The following ASCC3 variants were observed in gnomAD, a reference collection of about 807,000 sequenced individuals.
ASCC3 encodes the protein activating signal cointegrator 1 complex subunit 3, also known as ASC-1 complex subunit P200.
Under a neutral mutation model 256.3 loss-of-function variants are expected in ASCC3, and 158 were observed. The ratio of observed to expected loss-of-function variants is 0.62; its 90% CI spans 0.54 to 0.70. The LOEUF (loss-of-function observed/expected upper bound fraction) is 0.70, where lower values mean the gene tolerates loss of function less well. Among genes scored for constraint, ASCC3 ranks in the 30% least tolerant of loss-of-function variants. The probability of loss-of-function intolerance (pLI) is 0.00; values close to 1 mark genes in which losing one functional copy is unlikely to be tolerated. For synonymous variants in ASCC3, 948 were observed against 883.4 expected (o/e 1.07, Z -1.30); for missense variants, 2,259 against 2,626.0 (o/e 0.86, Z 3.05).
chr6:100,828,039 T>G (rs891851222), intron 4 of ASCC3, among the ~76,000 whole-genome samples: 1 of 150,660 alleles, frequency 6.6e-6, no homozygotes, highest in Non-Finnish European at 1.5e-5. Flanking sequence ...GAAAAATGTT[T>G]TTGTCAAACA....
intron 36 of ASCC3, among the ~76,000 whole-genome samples, chr6:100,584,179 C>T (rs1237425312): frequency 6.6e-6 from 1 of 151,202 alleles, no homozygotes. Flanking sequence ...CTAATGTTGA[C>T]AGTGGGGTGT....
intron 36 of ASCC3, among the ~76,000 whole-genome samples, chr6:100,580,622 T>C (rs1021140252): frequency 1.1e-4 from 16 of 152,052 alleles, no homozygotes; most frequent in African/African-American, 3.9e-4. Context: ...AGGGTACATG[T>C]GCACAATGTG....
In ASCC3 at chr6:100,848,234, T is replaced by C; in HGVS notation, c.715A>G (p.Thr239Ala). The C allele has an allele frequency of 6.2e-7, 1 of 1,614,048 alleles. No homozygotes were observed. Among genetic ancestry groups the C allele is most frequent in the Non-Finnish European group, 8.5e-7 (1 of 1,179,986 alleles). Residue 239 changes from threonine (T) to alanine (A), a missense_variant, in exon 4 of 42, where the codon ACT (threonine) becomes GCT (alanine). Thr to Ala is a moderately conservative substitution (Grantham distance 58). Transcript: ENST00000369162. The part of the protein sequence containing the change: ...KYLNSTLKEM[T>A]EVPRVEDLCC... Reference sequence around the variant, plus strand: ...AGATCTTCTACTCTTGGCACTTCAGTCATTTCCTTCAAAGTTGAATTTAGG... The same window carrying C: ...AGATCTTCTACTCTTGGCACTTCAGCCATTTCCTTCAAAGTTGAATTTAGG...
At chr6:100,864,391 T>A (rs75429917) in intron 2 of ASCC3, among the ~76,000 whole-genome samples, 177 bp from the exon 3 acceptor site, 2 of 152,234 alleles carry the variant, frequency 1.3e-5, no homozygotes, top group South Asian at 4.1e-4. Flanking sequence ...AAATGGGTGT[T>A]CATAGATTCT....
At chr6:100,639,366 A>C (rs1398530541) in intron 24 of ASCC3, among the ~76,000 whole-genome samples, 3 of 152,128 alleles carry the variant, frequency 2.0e-5, no homozygotes, top group Non-Finnish European at 4.4e-5. Flanking sequence ...CCCTGAGAAA[A>C]CCTAGAAAGA....
At chr6:100,534,358 C>A (rs182755163) in intron 37 of ASCC3, among the ~76,000 whole-genome samples, 9 of 152,318 alleles carry the variant, frequency 5.9e-5, no homozygotes, top group Admixed American at 1.3e-4. Flanking sequence ...GTTTTGTCAC[C>A]AAATTTGAAC....
chr6:100,603,398 T>G (rs1212469027), intron 33 of ASCC3, among the ~76,000 whole-genome samples: 1 of 152,032 alleles, frequency 6.6e-6, no homozygotes, highest in Non-Finnish European at 1.5e-5. Flanking sequence ...CTGTTGTGCT[T>G]TTCTAGTCCC....
At chr6:100,546,671 T>A (rs537665422) in intron 36 of ASCC3, among the ~76,000 whole-genome samples, 1 of 152,300 alleles carries the variant, frequency 6.6e-6, no homozygotes, top group Non-Finnish European at 1.5e-5. Flanking sequence ...AATCCTGGCA[T>A]TGTCCAGAAA....
chr6:100,519,082 T>C (rs1774175835), intron 37 of ASCC3, among the ~76,000 whole-genome samples: 1 of 152,152 alleles, frequency 6.6e-6, no homozygotes, highest in Non-Finnish European at 1.5e-5. Context: ...TTTTAAGGCA[T>C]ACTATGTTGT....
intron 40 of ASCC3, among the ~76,000 whole-genome samples, chr6:100,510,936 G>A (rs940570895): frequency 1.3e-5 from 2 of 152,108 alleles, no homozygotes; most frequent in African/African-American, 4.8e-5. Context: ...GGGAGTCAGA[G>A]AGTAATATAT....
intron 36 of ASCC3, among the ~76,000 whole-genome samples, chr6:100,573,241 A>T (rs1013526900): frequency 6.6e-6 from 1 of 152,158 alleles, no homozygotes; most frequent in Admixed American, 6.6e-5. Context: ...AAGTAGGATA[A>T]TATGATTTTT....
intron 3 of ASCC3, chr6:100,856,863 T>C (rs1367104652): frequency 1.3e-5 from 2 of 152,180 alleles, no homozygotes; most frequent in African/African-American, 2.4e-5. Flanking sequence ...GGGTTGTTTC[T>C]ACATTAAGGC....
At chr6:100,739,330 G>C (rs760162475) in intron 10 of ASCC3, among the ~76,000 whole-genome samples, 1 of 152,132 alleles carries the variant, frequency 6.6e-6, no homozygotes, top group African/African-American at 2.4e-5. Flanking sequence ...TGTGCTGCTG[G>C]ATTTGGTTTG....
At chr6:100,679,971 T>C (rs1777220069) in intron 13 of ASCC3, among the ~76,000 whole-genome samples, 1 of 152,062 alleles carries the variant, frequency 6.6e-6, no homozygotes, top group African/African-American at 2.4e-5. Flanking sequence ...GTTTGTGGAG[T>C]CTATAAAATT....
In ASCC3 at chr6:100,864,282, T is replaced by C. The variant is rs1376784746; in HGVS notation, c.91-68A>G. 3.7e-5 allele frequency: 51 copies of C among 1,364,102 alleles called. No homozygotes were observed. The Admixed American group carries it at 9.2e-4, about 25-fold the overall frequency. 84.5% of individuals were successfully genotyped at this position (1,364,102 alleles called of 1,614,324 possible). A position where few individuals can be genotyped will look rare whatever the true frequency, so the allele number is the denominator to read the frequency against. ...CTTCTCAACTCCAACGCTGATTACA[T>C]ATATTTTGCATTACATTATACAACT... is the stretch of plus-strand genomic sequence containing the variant. On this transcript the variant is annotated intron_variant, in intron 2 of 41. Coordinates refer to ENST00000369162, the MANE Select transcript of ASCC3 (RefSeq NM_006828.4).
At chr6:100,743,584 G>A (rs1780531546) in intron 10 of ASCC3, among the ~76,000 whole-genome samples, 3 of 152,160 alleles carry the variant, frequency 2.0e-5, no homozygotes, top group Non-Finnish European at 4.4e-5. Context: ...CAAGAAAGCA[G>A]AGTGGGTGGT....
At chr6:100,666,664 G>C (rs1472224237) in intron 14 of ASCC3, among the ~76,000 whole-genome samples, 1 of 152,122 alleles carries the variant, frequency 6.6e-6, no homozygotes, top group Non-Finnish European at 1.5e-5. Context: ...AGTATAAGGA[G>C]CGAGTTTTTT....
intron 4 of ASCC3, among the ~76,000 whole-genome samples, chr6:100,828,936 AC>A: frequency 6.6e-6 from 1 of 151,888 alleles, no homozygotes; most frequent in Middle Eastern, 3.2e-3. Context: ...TTTTACAGAG[AC>A]CCGAGTGGTC....
At chr6:100,697,367 A>C (rs1030499406) in intron 13 of ASCC3, among the ~76,000 whole-genome samples, 1 of 151,952 alleles carries the variant, frequency 6.6e-6, no homozygotes, top group Non-Finnish European at 1.5e-5. Context: ...GAATGAAGAA[A>C]TGGATGGAAA....
Sources: gnomAD v4.1 joint callset for allele counts (sites outside exome capture counted in the v4.1 genomes callset) on GRCh38, gnomAD v4.1.1 for gene constraint, MANE v1.5 for transcripts, NCBI Gene and HGNC (gene_info 2026-07-23, HGNC 2026-07-21) for gene names.